The following ALPK2 variants were observed in gnomAD, a reference collection of about 807,000 sequenced individuals.
The protein encoded by ALPK2 is alpha kinase 2.
A neutral mutation model predicts 163.1 loss-of-function variants in ALPK2; 127 were observed. The observed-to-expected ratio is 0.78, with a 90% CI of 0.67 to 0.90. The LOEUF (loss-of-function observed/expected upper bound fraction) is 0.90. Ranked by LOEUF, ALPK2 falls within the 40% of genes least tolerant of loss-of-function variation. ALPK2 has a pLI of 0.00. For synonymous variants in ALPK2, 953 were observed against 959.1 expected, an observed-to-expected ratio of 0.99 and a Z score of 0.12; for missense variants, 2,360 against 2,589.6, an observed-to-expected ratio of 0.91 and a Z score of 1.92.
At chr18:58,529,357 G>T in intron 5 of ALPK2, 119 bp from the exon 6 acceptor site, 1 of 1,116,476 alleles carries the variant, frequency 9.0e-7, no homozygotes. Context: ...TTATGGAAGT[G>T]AGAATTGAGT....
intron 4 of ALPK2, among the ~76,000 whole-genome samples, chr18:58,567,800 A>T (rs190086333): frequency 1.2e-4 from 18 of 152,292 alleles, no homozygotes; most frequent in Admixed American, 1.0e-3. Flanking sequence ...TTTTAACAGA[A>T]TTTCAAATGC....
At chr18:58,499,864 A>T (rs72950953) in intron 11 of ALPK2, among the ~76,000 whole-genome samples, 2 of 152,212 alleles carry the variant, frequency 1.3e-5, no homozygotes, top group East Asian at 3.9e-4. Context: ...ATCCCCCTAA[A>T]GCCAGCCATG....
chr18:58,577,776 T>C (rs1294649406), intron 4 of ALPK2, among the ~76,000 whole-genome samples: 1 of 152,254 alleles, frequency 6.6e-6, no homozygotes, highest in Admixed American at 6.5e-5. Flanking sequence ...ACTGGGTCTA[T>C]AGAAATTCAT....
rs553871280 is a variant in ALPK2 at position 58,504,885 on chromosome 18, A to G, written c.6030-737T>C. 8.8e-4 allele frequency among the ~76,000 whole-genome samples: 134 copies of G among 152,266 alleles called. 1 individual carries two copies. The highest frequency in any genetic ancestry group is 2.3e-3 in the Admixed American group (35 of 15,298). On this transcript the variant is annotated intron_variant, in intron 10 of 12. Coordinates refer to ENST00000361673, the MANE Select transcript of ALPK2 (RefSeq NM_052947.4). ...GCCATGAGGACATCGACGGTAGAGC[A>G]TTCCAGGTCGAAGGCACCCCAAGGA... is the stretch of plus-strand genomic sequence containing the variant.
intron 3 of ALPK2, among the ~76,000 whole-genome samples, chr18:58,585,679 G>A (rs2051982325): frequency 9.0e-6 from 1 of 111,624 alleles, no homozygotes. Context: ...ATTCTATGTT[G>A]CTTTTTTTTT....
chr18:58,544,149 G>A (rs1436492845), intron 4 of ALPK2: 1 of 152,172 alleles, frequency 6.6e-6, no homozygotes, highest in Non-Finnish European at 1.5e-5. Context: ...ATACAGGAGG[G>A]GAAAGGGTAA....
intron 10 of ALPK2, among the ~76,000 whole-genome samples, chr18:58,507,074 A>C (rs2051465551): frequency 1.3e-5 from 2 of 152,252 alleles, no homozygotes; most frequent in African/African-American, 4.8e-5. Context: ...CCATAGAGGC[A>C]AGAGGAAAAT....
chr18:58,572,009 C>G (rs533815310), intron 4 of ALPK2, among the ~76,000 whole-genome samples: 1 of 142,474 alleles, frequency 7.0e-6, no homozygotes, highest in East Asian at 2.0e-4. Flanking sequence ...GGTGTGTAAA[C>G]CAACAAAGGA....
chr18:58,493,816 G>C (rs889124511), intron 12 of ALPK2, among the ~76,000 whole-genome samples: 2 of 152,298 alleles, frequency 1.3e-5, no homozygotes, highest in Admixed American at 1.3e-4. Context: ...GCCACTGCGA[G>C]GGGTGTCCTT....
chr18:58,502,134 C>CCACACACACA (rs71173056), intron 11 of ALPK2, among the ~76,000 whole-genome samples: 94 of 118,820 alleles, frequency 7.9e-4, no homozygotes, highest in African/African-American at 2.1e-3. Context: ...AACCCCATCT[C>CCACACACACA]CACACACACA....
chr18:58,568,406 CAG>C (rs1459083204), intron 4 of ALPK2, among the ~76,000 whole-genome samples: 2 of 152,176 alleles, frequency 1.3e-5, no homozygotes, highest in African/African-American at 2.4e-5. Context: ...CAGCCCTACT[CAG>C]GGGAGGTGGA....
At chr18:58,505,261 C>T (rs1206888062) in intron 10 of ALPK2, among the ~76,000 whole-genome samples, 2 of 152,028 alleles carry the variant, frequency 1.3e-5, no homozygotes, top group African/African-American at 2.4e-5. Flanking sequence ...CCATTTGCTG[C>T]CACATCATCC....
At chr18:58,503,430 G>A (rs1454982795) in intron 11 of ALPK2, among the ~76,000 whole-genome samples, 4 of 152,180 alleles carry the variant, frequency 2.6e-5, no homozygotes, top group Non-Finnish European at 5.9e-5. Flanking sequence ...AGTGGCTGAC[G>A]CCTGTAATCC....
In ALPK2 at chr18:58,535,225, T is replaced by C; in HGVS notation, c.4962A>G (p.Ala1654=). Residue 1654 remains alanine (A), a synonymous_variant, in exon 5 of 13, where the codon GCA becomes GCG. Coordinates refer to ENST00000361673, the MANE Select transcript of ALPK2 (RefSeq NM_052947.4). ...CTAACTCACGTTCTCCTGAAATAAATGCCAAGGTCTTCGCTGAGGAGCTAG... is the reference window on the plus strand; with the variant it reads ...CTAACTCACGTTCTCCTGAAATAAACGCCAAGGTCTTCGCTGAGGAGCTAG... ...SSSSSSAKTL[A]FISGERELEK... 1.9e-6 allele frequency: 3 copies of C among 1,614,128 alleles called. No individual in the cohort carries two copies. The highest frequency in any genetic ancestry group is 1.7e-6 in the Non-Finnish European group (2 of 1,180,000).
intron 1 of ALPK2, among the ~76,000 whole-genome samples, chr18:58,613,727 A>C: frequency 6.8e-6 from 1 of 147,786 alleles, no homozygotes; most frequent in Non-Finnish European, 1.5e-5. Flanking sequence ...TAATAATAAT[A>C]ATAATAATAA....
At chr18:58,606,466 G>A (rs997777157) in intron 3 of ALPK2, among the ~76,000 whole-genome samples, 57 of 152,312 alleles carry the variant, frequency 3.7e-4, no homozygotes, top group African/African-American at 1.3e-3. Flanking sequence ...ACTTCTACAA[G>A]CATTACATTC....
intron 12 of ALPK2, among the ~76,000 whole-genome samples, chr18:58,486,189 C>A (rs2051338017): frequency 6.6e-6 from 1 of 152,218 alleles, no homozygotes; most frequent in Non-Finnish European, 1.5e-5. Flanking sequence ...TAACCTCTTT[C>A]TTTAGACCCT....
intron 2 of ALPK2, among the ~76,000 whole-genome samples, chr18:58,609,436 G>A (rs763737107): frequency 4.6e-5 from 7 of 152,164 alleles, no homozygotes; most frequent in Non-Finnish European, 1.0e-4. Context: ...CTCCTTTATA[G>A]GAAGCAGTGA....
rs1445532438 is a variant in ALPK2, at chr18:58,537,530, A to T, written c.2657T>A (p.Met886Lys). 1.2e-6 allele frequency: 2 copies of T among 1,613,532 alleles called. No homozygotes were observed. Among genetic ancestry groups the T allele is most frequent in the Admixed American group, 3.3e-5 (2 of 59,992 alleles). ...CKSSKDGNSV[M>K]SPLFTSTFTL... is the part of the protein sequence containing the mutation. ...GAAAGTACTGGTAAAAAGAGGGGAC[A>T]TGACTGAGTTGCCGTCCTTGCTGCT... Residue 886 changes from methionine to lysine, a missense_variant, in exon 5 of 13, where the codon ATG becomes AAG. Met to Lys is a moderately conservative substitution (Grantham distance 95). Transcript: ENST00000361673.
Sources: gnomAD v4.1 joint callset for allele counts (sites outside exome capture counted in the v4.1 genomes callset) on GRCh38, gnomAD v4.1.1 for gene constraint, MANE v1.5 for transcripts, NCBI Gene and HGNC (gene_info 2026-07-23, HGNC 2026-07-21) for gene names.